EML5: variants seen among roughly 807,000 people sequenced by gnomAD.
EML5 encodes EMAP like 5, also known as echinoderm microtubule-associated protein-like 5.
In EML5, 120 loss-of-function variants were observed where a neutral mutation model predicts 250.0. That is an observed-to-expected ratio of 0.48 (90% CI 0.41 to 0.56). EML5 has a LOEUF of 0.56. Ranked by LOEUF, EML5 falls within the 20% of genes least tolerant of loss-of-function variation. The pLI, the probability that EML5 is intolerant of heterozygous loss-of-function variation, is 0.00. For synonymous variants in EML5, 771 were observed against 806.5 expected (o/e 0.96, Z 0.75); for missense variants, 2,006 against 2,437.6 (o/e 0.82, Z 3.73).
intron 1 of EML5, among the ~76,000 whole-genome samples, chr14:88,770,175 G>A (rs1166252482): frequency 2.0e-5 from 3 of 152,006 alleles, no homozygotes; most frequent in Non-Finnish European, 4.4e-5. Context: ...GTAATGCTGG[G>A]GCTATGGTTT....
At position 88,684,152 on chromosome 14, in the gene EML5, G is replaced by A. The variant is rs923613592; in HGVS notation, c.2982+863C>T. ...TAATGTACAAAATCTACTGCATTTT[G>A]ATACACTAGAAATGAACAATATGCA... On this transcript the variant is annotated intron_variant, in intron 20 of 43. Transcript: ENST00000554922. Among the ~76,000 whole-genome samples, 6 of 150,482 alleles carry A rather than the reference G, an allele frequency of 4.0e-5. No homozygotes were observed. The South Asian group carries it at 1.3e-3, about 32-fold the overall frequency.
At chr14:88,754,744 G>GTGTTTTACATC in intron 1 of EML5, 73 bp from the exon 2 acceptor site, 1 of 1,257,272 alleles carries the variant, frequency 8.0e-7, no homozygotes, top group Non-Finnish European at 1.1e-6. Flanking sequence ...TTTGGTAGAT[G>GTGTTTTACATC]TAAAACACAT....
In EML5 at chr14:88,633,990, C is replaced by T. The variant is rs142104557; in HGVS notation, c.4357+479G>A. Among the ~76,000 whole-genome samples the T allele has an allele frequency of 6.6e-5, 10 of 152,122 alleles. No individual in the cohort carries two copies. In the South Asian group the frequency reaches 8.3e-4, roughly 13 times the overall value. ...AATGTATTCTTCATTAAAAAAAATCCGCAAGTTTTTTATAGAGTAACAAGA... is the reference window on the plus strand; with the variant it reads ...AATGTATTCTTCATTAAAAAAAATCTGCAAGTTTTTTATAGAGTAACAAGA... On this transcript the variant is annotated intron_variant, in intron 33 of 43. Transcript: ENST00000554922.
At chr14:88,753,010 G>A (rs1317229597) in intron 2 of EML5, among the ~76,000 whole-genome samples, 3 of 152,146 alleles carry the variant, frequency 2.0e-5, no homozygotes, top group Non-Finnish European at 4.4e-5. Context: ...CCTGGACGCT[G>A]GACAATCCAG....
Position 88,792,109 on chromosome 14 carries a change from A to G in EML5, c.197+198T>C, listed in dbSNP as rs562688772. On this transcript the variant is annotated intron_variant, in intron 1 of 43. Transcript: ENST00000554922. This position sits in a 1 kb window ranked among gnomAD's most constrained non-coding sequence, Gnocchi z 6.9. ...CCTGATCTTCCTGCACGGACCCGAGAGAGAGTCCCTAGACGAGGAAGAGGG... is the reference window on the plus strand; with the variant it reads ...CCTGATCTTCCTGCACGGACCCGAGGGAGAGTCCCTAGACGAGGAAGAGGG... Among the ~76,000 whole-genome samples the G allele has an allele frequency of 6.6e-6, 1 of 152,332 alleles. No individual in the cohort carries two copies. Among genetic ancestry groups the G allele is most frequent in the East Asian group, 1.9e-4 (1 of 5,174 alleles).
At chr14:88,702,210 G>A (rs2093226681) in intron 14 of EML5, among the ~76,000 whole-genome samples, 3 of 151,914 alleles carry the variant, frequency 2.0e-5, no homozygotes, top group Admixed American at 2.0e-4. Flanking sequence ...AATAAAACAA[G>A]CCAGAGCTAT....
intron 21 of EML5, among the ~76,000 whole-genome samples, chr14:88,679,214 A>C (rs560905437): frequency 2.0e-5 from 3 of 150,112 alleles, no homozygotes; most frequent in African/African-American, 7.4e-5. Flanking sequence ...TCTATTTCTA[A>C]ATGAGGACAC....
intron 1 of EML5, among the ~76,000 whole-genome samples, chr14:88,784,653 A>T (rs2094532369): frequency 6.6e-6 from 1 of 152,178 alleles, no homozygotes; most frequent in Non-Finnish European, 1.5e-5. Flanking sequence ...AAAAATTCCA[A>T]ATCAAAACTA....
chr14:88,745,456 T>C (rs7142842), intron 3 of EML5, among the ~76,000 whole-genome samples: 25,854 of 152,104 alleles, frequency 0.17, 2,896 homozygotes, highest in African/African-American at 0.31. Flanking sequence ...TATGATGTAT[T>C]GTTTATATAC....
chr14:88,631,523 C>CT (rs1347805602), intron 33 of EML5, among the ~76,000 whole-genome samples: 3 of 152,222 alleles, frequency 2.0e-5, no homozygotes, highest in African/African-American at 7.2e-5. Flanking sequence ...AATCCCAGCA[C>CT]TTTGAGAAGC....
intron 17 of EML5, among the ~76,000 whole-genome samples, chr14:88,692,160 G>C (rs1266101377): frequency 1.3e-5 from 2 of 152,034 alleles, no homozygotes; most frequent in Non-Finnish European, 2.9e-5. Context: ...TGATCACCTG[G>C]AGTCAGGGAG....
chr14:88,650,494 T>G (rs1218087684), intron 27 of EML5, among the ~76,000 whole-genome samples: 3 of 151,930 alleles, frequency 2.0e-5, no homozygotes, highest in Non-Finnish European at 2.9e-5. Context: ...ACAAAAACAT[T>G]TATTAAAAAA....
chr14:88,627,078 T>C, intron 34 of EML5, 32 bp from the exon 35 acceptor site: 1 of 1,603,046 alleles, frequency 6.2e-7, no homozygotes, highest in Non-Finnish European at 8.5e-7. Flanking sequence ...ATCTAGGTTA[T>C]TACAAGAACC....
chr14:88,699,496 C>T (rs1327450387), intron 14 of EML5, among the ~76,000 whole-genome samples: 2 of 152,040 alleles, frequency 1.3e-5, no homozygotes, highest in African/African-American at 4.8e-5. Flanking sequence ...GCTATTTAGA[C>T]AGCTGTTTAG....
chr14:88,791,508 C>A (rs1438437160), intron 1 of EML5, among the ~76,000 whole-genome samples: 1 of 152,184 alleles, frequency 6.6e-6, no homozygotes, highest in African/African-American at 2.4e-5. Flanking sequence ...AATTACATTT[C>A]AAATATACCG....
chr14:88,696,114 A>C (rs1387229348), intron 15 of EML5, among the ~76,000 whole-genome samples: 5 of 151,718 alleles, frequency 3.3e-5, no homozygotes, highest in Non-Finnish European at 7.4e-5. Context: ...GTGGTGACTC[A>C]CTTAGCTTGC....
intron 30 of EML5, among the ~76,000 whole-genome samples, chr14:88,643,307 T>C (rs1264126527): frequency 1.3e-5 from 2 of 152,152 alleles, no homozygotes; most frequent in East Asian, 1.9e-4. Context: ...AGATTTCACA[T>C]GTAAACACTG....
chr14:88,651,188 G>A (rs1352159079), intron 27 of EML5, among the ~76,000 whole-genome samples: 2 of 127,160 alleles, frequency 1.6e-5, no homozygotes, highest in African/African-American at 3.0e-5. Flanking sequence ...AAGGCAAAGA[G>A]TAGAGCTTGG....
chr14:88,721,144 T>C (rs1191191612), intron 8 of EML5, among the ~76,000 whole-genome samples: 1 of 152,170 alleles, frequency 6.6e-6, no homozygotes, highest in Non-Finnish European at 1.5e-5. Context: ...AAATATTCCA[T>C]GCTCCTGGAT....
Sources: allele counts gnomAD v4.1 joint callset (sites outside exome capture counted in the v4.1 genomes callset), GRCh38; gene constraint gnomAD v4.1.1; non-coding constraint Gnocchi (gnomAD v3.1); transcripts MANE v1.5; gene names NCBI Gene and HGNC (gene_info 2026-07-23, HGNC 2026-07-21).